FRS2: variants seen among roughly 807,000 people sequenced by gnomAD.
FRS2 encodes fibroblast growth factor receptor substrate 2, also known as FGFR signalling adaptor.
A neutral mutation model predicts 43.9 loss-of-function variants in FRS2; 8 were observed. The observed-to-expected ratio is 0.18, with a 90% CI of 0.11 to 0.33. The LOEUF is 0.33. Among genes scored for constraint, FRS2 ranks in the 10% least tolerant of loss-of-function variants. The pLI is 1.00. For synonymous variants in FRS2, 219 were observed against 220.3 expected (o/e 0.99, Z 0.05); for missense variants, 534 against 627.6 (o/e 0.85, Z 1.59).
intron 3 of FRS2, among the ~76,000 whole-genome samples, chr12:69,559,909 C>T (rs1370262875): frequency 2.0e-5 from 3 of 151,844 alleles, no homozygotes; most frequent in Non-Finnish European, 4.4e-5. Flanking sequence ...TGTTGCTATG[C>T]TTCTAACTAT....
At chr12:69,551,837 T>A (rs573270961) in intron 3 of FRS2, among the ~76,000 whole-genome samples, 19 of 152,298 alleles carry the variant, frequency 1.2e-4, no homozygotes, top group Non-Finnish European at 2.6e-4. Flanking sequence ...TCATTTCTGT[T>A]ATTTGTAATG....
chr12:69,572,141 T>C lies in FRS2; in HGVS notation c.436T>C (p.Leu146=). ...AGCTCCAGGATTTGCTGCTCAGAAC[T>C]TACCTAATGGATATCCCCGATATCC... ...PTTPGFAAQN[L]PNGYPRYPSF... The change falls in exon 8 of 9, where the codon TTA becomes CTA. Residue 146 remains leucine (L), a synonymous_variant. Transcript: ENST00000549921. 1 of 1,613,826 alleles carries C rather than the reference T, an allele frequency of 6.2e-7. No homozygotes were observed. Among genetic ancestry groups the C allele is most frequent in the Non-Finnish European group, 8.5e-7 (1 of 1,179,796 alleles).
chr12:69,533,900 AT>A (rs1175349157), intron 3 of FRS2, among the ~76,000 whole-genome samples: 1 of 152,114 alleles, frequency 6.6e-6, no homozygotes, highest in Non-Finnish European at 1.5e-5. Context: ...AGAGGCAGAG[AT>A]TTAGATTGTT....
At position 69,540,271 on chromosome 12, in the gene FRS2, TA is replaced by T. The variant is rs547400046; in HGVS notation, c.-122+8223del. On this transcript the variant is annotated intron_variant, in intron 3 of 8. Coordinates refer to ENST00000549921, the MANE Select transcript of FRS2 (RefSeq NM_001278356.2). ...CCATCTCAAAAAAAATAAATAAAAT[TA>T]AAAAAAATTAAAAAATAAAAATAAC... is the stretch of plus-strand genomic sequence containing the variant. Among the ~76,000 whole-genome samples the T allele has an allele frequency of 3.8e-3, 555 of 144,166 alleles. 1 individual carries two copies. Among genetic ancestry groups the T allele is most frequent in the African/African-American group, 0.014 (530 of 39,228 alleles). The allele number at this position is 144,166 out of a possible 152,430, so 94.6% of individuals were successfully genotyped here.
chr12:69,567,159 T>C (rs1383944406), intron 4 of FRS2, among the ~76,000 whole-genome samples: 2 of 150,276 alleles, frequency 1.3e-5, no homozygotes, highest in Admixed American at 6.6e-5. Flanking sequence ...ATTATCTATT[T>C]ACATCTCTCT....
At chr12:69,529,564 T>C (rs1876586685) in intron 1 of FRS2, among the ~76,000 whole-genome samples, 2 of 151,590 alleles carry the variant, frequency 1.3e-5, no homozygotes, top group Non-Finnish European at 2.9e-5. Context: ...GAGGTTGCAG[T>C]GAGCCGAGAT....
rs541950989 is a variant in FRS2 at position 69,575,975 on chromosome 12, G to T, written c.*1020G>T. 3.9e-5 allele frequency: 6 copies of T among 152,724 alleles called. No homozygotes were observed. The East Asian group carries it at 9.6e-4, about 25-fold the overall frequency. The allele number at this position is 152,724 out of a possible 1,614,324, so 9.5% of individuals were successfully genotyped here. ...TTCATTTGGAACTTACTGTTAGTCTGTAACAGGGTTGCCCTTGTCCAGTAT... is the reference window on the plus strand; with the variant it reads ...TTCATTTGGAACTTACTGTTAGTCTTTAACAGGGTTGCCCTTGTCCAGTAT... On this transcript the variant is annotated 3_prime_UTR_variant, in exon 9 of 9. Transcript: ENST00000549921.
At chr12:69,519,433 T>C (rs1875402417) in intron 1 of FRS2, among the ~76,000 whole-genome samples, 1 of 152,194 alleles carries the variant, frequency 6.6e-6, no homozygotes, top group South Asian at 2.1e-4. Context: ...AGTTCAGGAA[T>C]ACGTGTGCAA....
In FRS2 at chr12:69,484,095, C is replaced by CT. The variant is rs368221087; in HGVS notation, c.-261+13574dup. On this transcript the variant is annotated intron_variant, in intron 1 of 8. Transcript: ENST00000549921. ...TAATTAATTGGAAAAGCTTTTCTTT[C>CT]TTTTTTTTTGACAGAGTCTCGCTCT... is the stretch of plus-strand genomic sequence containing the variant. Among the ~76,000 whole-genome samples, 1,270 of 149,374 alleles carry CT rather than the reference C, an allele frequency of 8.5e-3. 17 individuals carry two copies. Among genetic ancestry groups the CT allele is most frequent in the African/African-American group, 0.028 (1,133 of 41,038 alleles).
chr12:69,546,160 A>G (rs1386175112), intron 3 of FRS2, among the ~76,000 whole-genome samples: 2 of 152,214 alleles, frequency 1.3e-5, no homozygotes, highest in Non-Finnish European at 2.9e-5. Flanking sequence ...AAGATATACA[A>G]AGGCCAGTAA....
intron 3 of FRS2, among the ~76,000 whole-genome samples, chr12:69,532,738 T>C (rs145789793): frequency 1.1e-3 from 174 of 152,318 alleles, no homozygotes; most frequent in African/African-American, 3.8e-3. Context: ...AAGCCAAGAT[T>C]AGGGCTTTTT....
At chr12:69,522,458 C>T (rs919464170) in intron 1 of FRS2, among the ~76,000 whole-genome samples, 4 of 151,994 alleles carry the variant, frequency 2.6e-5, no homozygotes, top group African/African-American at 9.7e-5. Context: ...TTGTCTTTGT[C>T]ATTTCTCATT....
chr12:69,480,135 A>G (rs1177766895), intron 1 of FRS2, among the ~76,000 whole-genome samples: 2 of 152,224 alleles, frequency 1.3e-5, no homozygotes, highest in Non-Finnish European at 2.9e-5. Flanking sequence ...CATATAACAT[A>G]GAATTTACCA....
chr12:69,487,119 A>G (rs1472187779), intron 1 of FRS2, among the ~76,000 whole-genome samples: 1 of 152,228 alleles, frequency 6.6e-6, no homozygotes, highest in African/African-American at 2.4e-5. Flanking sequence ...TCGCCTCCTT[A>G]TGCACCAGAA....
At chr12:69,507,623 G>T (rs1874062590) in intron 1 of FRS2, among the ~76,000 whole-genome samples, 1 of 152,148 alleles carries the variant, frequency 6.6e-6, no homozygotes, top group Non-Finnish European at 1.5e-5. Flanking sequence ...TTAATCTTGT[G>T]TTTTTAAGCA....
In FRS2 at chr12:69,575,075, A is replaced by G; in HGVS notation, c.*120A>G. 3.1e-6 allele frequency: 2 copies of G among 648,432 alleles called. No individual in the cohort carries two copies. Among genetic ancestry groups the G allele is most frequent in the Non-Finnish European group, 2.7e-6 (1 of 372,342 alleles). 40.2% of individuals were successfully genotyped at this position (648,432 alleles called of 1,614,324 possible). Reference sequence around the variant, plus strand: ...ATAGACTGATAAAATTTTTTTCTGAATATTTCATGTGCATCTTTAACTAAA... The same window carrying G: ...ATAGACTGATAAAATTTTTTTCTGAGTATTTCATGTGCATCTTTAACTAAA... On this transcript the variant is annotated 3_prime_UTR_variant, in exon 9 of 9. Coordinates refer to ENST00000549921, the MANE Select transcript of FRS2 (RefSeq NM_001278356.2).
chr12:69,571,808 G>A (rs1191763092), intron 7 of FRS2, among the ~76,000 whole-genome samples: 1 of 152,130 alleles, frequency 6.6e-6, no homozygotes, highest in Non-Finnish European at 1.5e-5. Context: ...AGCTTGCAGT[G>A]AACTGAGATC....
intron 3 of FRS2, among the ~76,000 whole-genome samples, chr12:69,548,027 T>C (rs995883403): frequency 6.6e-6 from 1 of 151,978 alleles, no homozygotes; most frequent in Admixed American, 6.6e-5. Context: ...TTTTTTATTA[T>C]TATTTTTTAG....
intron 1 of FRS2, among the ~76,000 whole-genome samples, chr12:69,523,117 A>G (rs1439691578): frequency 6.6e-6 from 1 of 152,200 alleles, no homozygotes; most frequent in African/African-American, 2.4e-5. Flanking sequence ...TGTTGAGTTC[A>G]GGTCCTGAAT....
Sources: gnomAD v4.1 joint callset for allele counts (sites outside exome capture counted in the v4.1 genomes callset) on GRCh38, gnomAD v4.1.1 for gene constraint, MANE v1.5 for transcripts, NCBI Gene and HGNC (gene_info 2026-07-23, HGNC 2026-07-21) for gene names.